The following PLPP1 variants were observed in gnomAD, a reference collection of about 807,000 sequenced individuals.
PLPP1 encodes the protein phospholipid phosphatase 1, also known as lipid phosphate phosphohydrolase 1a.
A neutral mutation model predicts 31.2 loss-of-function variants in PLPP1; 24 were observed. That is an observed-to-expected ratio of 0.77 (90% CI 0.56 to 1.08). The LOEUF is 1.08. Ranked by LOEUF, PLPP1 falls within the 50% of genes least tolerant of loss-of-function variation. The pLI is 0.00. For synonymous variants in PLPP1, 146 were observed against 126.3 expected (o/e 1.16, Z -1.05); for missense variants, 319 against 342.7 (o/e 0.93, Z 0.55).
At chr5:55,486,656 T>C (rs1752781476) in intron 1 of PLPP1, among the ~76,000 whole-genome samples, 1 of 152,122 alleles carries the variant, frequency 6.6e-6, no homozygotes, top group Non-Finnish European at 1.5e-5. Flanking sequence ...GGCTCACGCC[T>C]GTAATCCCAA....
intron 4 of PLPP1, among the ~76,000 whole-genome samples, chr5:55,431,969 T>C (rs1327982479): frequency 8.5e-5 from 13 of 152,236 alleles, no homozygotes; most frequent in Admixed American, 8.5e-4. Flanking sequence ...TCACCCAGTC[T>C]GGGGCACAGT....
At chr5:55,459,840 G>A (rs893554003) in intron 3 of PLPP1, among the ~76,000 whole-genome samples, 5 of 152,060 alleles carry the variant, frequency 3.3e-5, no homozygotes, top group Non-Finnish European at 7.3e-5. Flanking sequence ...CCTGAGACAA[G>A]ACCAACCTCT....
chr5:55,513,486 G>T (rs915153847), intron 1 of PLPP1, among the ~76,000 whole-genome samples: 4 of 151,770 alleles, frequency 2.6e-5, no homozygotes, highest in African/African-American at 9.7e-5. Context: ...TGTCCAGGCT[G>T]GTCTCGAACT....
At chr5:55,482,765 C>T (rs998127376) in intron 1 of PLPP1, among the ~76,000 whole-genome samples, 23 of 152,174 alleles carry the variant, frequency 1.5e-4, no homozygotes, top group African/African-American at 5.5e-4. Flanking sequence ...GAACACTTTA[C>T]TTATATAGTA....
At chr5:55,513,451 T>C (rs1753484997) in intron 1 of PLPP1, among the ~76,000 whole-genome samples, 1 of 152,004 alleles carries the variant, frequency 6.6e-6, no homozygotes, top group Non-Finnish European at 1.5e-5. Flanking sequence ...TTTCTTTTTT[T>C]AGTAGAGACA....
At chr5:55,476,954 C>A (rs894491759) in intron 1 of PLPP1, among the ~76,000 whole-genome samples, 7 of 152,000 alleles carry the variant, frequency 4.6e-5, no homozygotes, top group African/African-American at 1.7e-4. Flanking sequence ...AGTCAATTTG[C>A]CAATAGCTGT....
rs113557716 is a variant in PLPP1 at position 55,490,625 on chromosome 5, C to T, written c.59-15175G>A. On this transcript the variant is annotated intron_variant, in intron 1 of 5. Transcript: ENST00000307259. ...TAATCTTAGTTTCAGCTCTGCCGTA[C>T]GATAGCTTACTGGGCTTTAACAAGT... Among the ~76,000 whole-genome samples, 778 of 152,208 alleles carry T rather than the reference C, an allele frequency of 5.1e-3. 3 individuals carry two copies. The highest frequency in any genetic ancestry group is 0.018 in the African/African-American group (744 of 41,540).
chr5:55,499,919 A>G (rs1753098119), intron 1 of PLPP1, among the ~76,000 whole-genome samples: 1 of 151,884 alleles, frequency 6.6e-6, no homozygotes, highest in Non-Finnish European at 1.5e-5. Context: ...ATATATTTAT[A>G]TCTCAGATAT....
At chr5:55,425,516 T>G (rs1751159586) in intron 5 of PLPP1, 182 bp from the exon 6 acceptor site, 1 of 550,988 alleles carries the variant, frequency 1.8e-6, no homozygotes, top group African/African-American at 2.0e-5. Flanking sequence ...AATTAAGAGT[T>G]GCTTTGTTAT....
rs1579960725 is a variant in PLPP1 at position 55,491,052 on chromosome 5, A to G, written c.59-15602T>C. ...GGATAGTTGATGCTGTTGTCTTTAC[A>G]GAAAAAGCCTCTCTGAAATGGATAT... On this transcript the variant is annotated intron_variant, in intron 1 of 5. Transcript: ENST00000307259. 3 of 1,613,880 alleles carry G rather than the reference A, an allele frequency of 1.9e-6. No individual in the cohort carries two copies. In the East Asian group the frequency reaches 6.7e-5, roughly 36 times the overall value.
intron 4 of PLPP1, among the ~76,000 whole-genome samples, chr5:55,430,604 G>C (rs1472276017): frequency 1.3e-5 from 2 of 151,774 alleles, no homozygotes; most frequent in African/African-American, 2.4e-5. Context: ...CCCCTATGAA[G>C]GCAAATTCAA....
chr5:55,503,910 G>A (rs1405968706), intron 1 of PLPP1, among the ~76,000 whole-genome samples: 1 of 41,866 alleles, frequency 2.4e-5, no homozygotes, highest in African/African-American at 6.4e-5. Context: ...GAGGGGGGAG[G>A]AAGGGGGGGG....
intron 3 of PLPP1, among the ~76,000 whole-genome samples, chr5:55,443,192 A>AAAAAAAAAAAAAT: frequency 3.9e-5 from 1 of 25,418 alleles, no homozygotes; most frequent in African/African-American, 1.1e-4. Context: ...AAAAAAAAAA[A>AAAAAAAAAAAAAT]ATATATATAT....
intron 1 of PLPP1, among the ~76,000 whole-genome samples, chr5:55,487,386 GAA>G (rs1190492147): frequency 7.9e-6 from 1 of 127,016 alleles, no homozygotes; most frequent in Non-Finnish European, 1.7e-5. Context: ...AAAAATGATG[GAA>G]AAAAAAAAGT....
At chr5:55,426,976 A>C (rs1411839954) in intron 4 of PLPP1, among the ~76,000 whole-genome samples, 1 of 152,036 alleles carries the variant, frequency 6.6e-6, no homozygotes, top group African/African-American at 2.4e-5. Flanking sequence ...TTTTCTGTAC[A>C]CTAATCGGAC....
intron 3 of PLPP1, among the ~76,000 whole-genome samples, chr5:55,465,870 C>T (rs1204171482): frequency 6.6e-6 from 1 of 152,096 alleles, no homozygotes; most frequent in African/African-American, 2.4e-5. Flanking sequence ...CCAAACTGTT[C>T]CCTGAAGGCT....
chr5:55,514,577 G>C (rs551312189), intron 1 of PLPP1, among the ~76,000 whole-genome samples: 51 of 152,246 alleles, frequency 3.3e-4, no homozygotes, highest in African/African-American at 1.2e-3. Flanking sequence ...GTTATACTAA[G>C]GTGTGTCTCA....
intron 1 of PLPP1, among the ~76,000 whole-genome samples, chr5:55,496,945 C>T (rs1561246961): frequency 1.3e-5 from 2 of 152,012 alleles, no homozygotes; most frequent in East Asian, 3.8e-4. Flanking sequence ...TAAAGTAAAT[C>T]AATGTTAATC....
intron 1 of PLPP1, among the ~76,000 whole-genome samples, chr5:55,517,211 C>G (rs565413361): frequency 1.3e-5 from 2 of 152,194 alleles, no homozygotes; most frequent in South Asian, 4.1e-4. Flanking sequence ...TTTTTCAAGA[C>G]CCTATCTCAC....
Sources: gnomAD v4.1 joint callset for allele counts (sites outside exome capture counted in the v4.1 genomes callset) on GRCh38, gnomAD v4.1.1 for gene constraint, MANE v1.5 for transcripts, NCBI Gene and HGNC (gene_info 2026-07-23, HGNC 2026-07-21) for gene names.